SYK: variants seen among roughly 807,000 people sequenced by gnomAD.
SYK encodes spleen associated tyrosine kinase.
Under a neutral mutation model 77.8 loss-of-function variants are expected in SYK, and 16 were observed. The ratio of observed to expected loss-of-function variants is 0.21; its 90% CI spans 0.14 to 0.31. The LOEUF (loss-of-function observed/expected upper bound fraction) is 0.31. Among genes scored for constraint, SYK ranks in the 10% least tolerant of loss-of-function variants. The probability of loss-of-function intolerance (pLI) is 1.00; values close to 1 mark genes in which losing one functional copy is unlikely to be tolerated. For missense variants in SYK, 529 were observed against 814.4 expected (o/e 0.65, Z 4.26); for synonymous variants, 312 against 308.7 (o/e 1.01, Z -0.11).
intron 3 of SYK, among the ~76,000 whole-genome samples, chr9:90,849,442 C>G (rs1010384497): frequency 6.6e-6 from 1 of 152,118 alleles, no homozygotes; most frequent in Admixed American, 6.5e-5. Context: ...GATCCATTCT[C>G]CATCTCCCAG....
chr9:90,853,380 C>T (rs1826894076), intron 3 of SYK, among the ~76,000 whole-genome samples: 1 of 151,386 alleles, frequency 6.6e-6, no homozygotes, highest in African/African-American at 2.4e-5. Flanking sequence ...GGTATATACC[C>T]AAAGGACTAT....
At chr9:90,875,216 T>C (rs1268831306) in intron 9 of SYK, among the ~76,000 whole-genome samples, 1 of 150,900 alleles carries the variant, frequency 6.6e-6, no homozygotes, top group Non-Finnish European at 1.5e-5. Context: ...CTGGGCAACA[T>C]AGCAAGACCC....
At chr9:90,804,492 A>AT (rs1398054413) in intron 1 of SYK, among the ~76,000 whole-genome samples, 2 of 152,052 alleles carry the variant, frequency 1.3e-5, no homozygotes, top group Admixed American at 6.5e-5. Context: ...CCCTGTATAG[A>AT]TTTTTTTCCA....
At chr9:90,816,904 T>C (rs1224458045) in intron 1 of SYK, among the ~76,000 whole-genome samples, 1 of 152,262 alleles carries the variant, frequency 6.6e-6, no homozygotes, top group Non-Finnish European at 1.5e-5. Context: ...AGTATTCCAT[T>C]GTGTGTGTGC....
At chr9:90,875,605 A>G (rs1001466591) in intron 9 of SYK, among the ~76,000 whole-genome samples, 1 of 152,150 alleles carries the variant, frequency 6.6e-6, no homozygotes, top group African/African-American at 2.4e-5. Context: ...ATTTTCTTTA[A>G]TTTTATAGTT....
intron 7 of SYK, among the ~76,000 whole-genome samples, chr9:90,872,343 C>T (rs56261897): frequency 0.015 from 2,350 of 152,344 alleles, 33 homozygotes; most frequent in Non-Finnish European, 0.026. Context: ...TTTAATTCCA[C>T]ATCTGTTCAA....
Position 90,862,237 on chromosome 9 carries a change from G to A in SYK, c.610G>A (p.Ala204Thr). The A allele has an allele frequency of 1.2e-6, 2 of 1,613,840 alleles. No individual in the cohort carries two copies. The highest frequency in any genetic ancestry group is 8.5e-7 in the Non-Finnish European group (1 of 1,179,834). Residue 204 changes from alanine to threonine, a missense_variant, in exon 4 of 14, where the codon GCC (alanine) becomes ACC (threonine). Physicochemically the swap from Ala to Thr is moderately conservative, Grantham distance 58 (BLOSUM62 0). Around this residue, in one of 2 missense-constraint regions of SYK, gnomAD observed 321 missense variants for 433.1 expected, o/e 0.74. Coordinates refer to ENST00000375754, the MANE Select transcript of SYK (RefSeq NM_003177.7). ...AGCCAGAGACAACAACGGCTCCTAC[G>A]CCCTGTGCCTGCTGCACGAAGGGAA... ...IRARDNNGSY[A>T]LCLLHEGKVL...
At chr9:90,815,376 C>G (rs964438300) in intron 1 of SYK, among the ~76,000 whole-genome samples, 1 of 152,226 alleles carries the variant, frequency 6.6e-6, no homozygotes, top group African/African-American at 2.4e-5. Context: ...ACTGGCCCCT[C>G]GGCTCCAACC....
intron 9 of SYK, among the ~76,000 whole-genome samples, chr9:90,875,402 C>CA (rs1827888180): frequency 6.8e-6 from 1 of 147,038 alleles, no homozygotes; most frequent in Admixed American, 7.1e-5. Context: ...GGCCCTGTTT[C>CA]AAAAAACAAA....
chr9:90,878,714 T>C, intron 10 of SYK, 50 bp from the exon 11 acceptor site: 2 of 1,514,174 alleles, frequency 1.3e-6, no homozygotes, highest in African/African-American at 1.4e-5. Flanking sequence ...TTGTTTGTTG[T>C]GAAATGGGTC....
chr9:90,834,156 G>T (rs956756988), intron 1 of SYK, among the ~76,000 whole-genome samples: 1 of 149,124 alleles, frequency 6.7e-6, no homozygotes, highest in Admixed American at 6.6e-5. Context: ...TTCAGGTGGG[G>T]GTGGGCATGT....
rs915340273 is a variant in SYK at position 90,818,838 on chromosome 9, A to T, written c.-42+16945A>T. ...GGCTCAGGCCCCTCTGGTGCCCCTG[A>T]TTTAGGCTTCATGGCCTTCTCTACC... On this transcript the variant is annotated intron_variant, in intron 1 of 13. Transcript: ENST00000375754. Among the ~76,000 whole-genome samples, 3 of 152,182 alleles carry T rather than the reference A, an allele frequency of 2.0e-5. No individual in the cohort carries two copies. In the East Asian group the frequency reaches 5.8e-4, roughly 29 times the overall value.
intron 1 of SYK, 65 bp from the exon 2 acceptor site, chr9:90,843,793 G>T: frequency 7.6e-7 from 1 of 1,312,238 alleles, no homozygotes; most frequent in South Asian, 1.7e-5. Context: ...GGTTTGAGTG[G>T]TTTTAGCAAA....
chr9:90,870,714 G>A (rs1361498863), intron 7 of SYK, among the ~76,000 whole-genome samples: 1 of 152,108 alleles, frequency 6.6e-6, no homozygotes, highest in Non-Finnish European at 1.5e-5. Flanking sequence ...TCGCCTGTGG[G>A]GGTCTACTGA....
At chr9:90,860,357 A>T (rs1344605102) in intron 3 of SYK, among the ~76,000 whole-genome samples, 1 of 152,222 alleles carries the variant, frequency 6.6e-6, no homozygotes, top group Non-Finnish European at 1.5e-5. Flanking sequence ...AATAAACATA[A>T]ATAGTCTCAC....
chr9:90,867,431 A>G (rs1827548946), intron 7 of SYK, among the ~76,000 whole-genome samples: 1 of 152,148 alleles, frequency 6.6e-6, no homozygotes, highest in Admixed American at 6.5e-5. Context: ...CAACAGTGTG[A>G]GCATGCTTTC....
chr9:90,827,162 G>C (rs1039809077), intron 1 of SYK, among the ~76,000 whole-genome samples: 2 of 151,878 alleles, frequency 1.3e-5, no homozygotes, highest in African/African-American at 4.8e-5. Flanking sequence ...GTTCATTTTT[G>C]GTAAAAACAC....
intron 1 of SYK, among the ~76,000 whole-genome samples, chr9:90,841,227 G>A (rs949593143): frequency 1.3e-5 from 2 of 151,722 alleles, no homozygotes; most frequent in South Asian, 2.1e-4. Flanking sequence ...TGTGTGTCGT[G>A]TGTATGTAGT....
In SYK at chr9:90,897,718, G is replaced by A. The variant is rs941280108; in HGVS notation, c.*2118G>A. The A allele has an allele frequency of 1.8e-5, 4 of 224,722 alleles. No homozygotes were observed. The highest frequency in any genetic ancestry group is 5.7e-5 in the Admixed American group (1 of 17,512). 13.9% of individuals were successfully genotyped at this position (224,722 alleles called of 1,614,324 possible). A position where few individuals can be genotyped will look rare whatever the true frequency, so the allele number is the denominator to read the frequency against. ...CAGAATGTGATGGGACAAGATGGGGGCAGGGGCCTCACCTCCCTGCAGAGG... is the reference window on the plus strand; with the variant it reads ...CAGAATGTGATGGGACAAGATGGGGACAGGGGCCTCACCTCCCTGCAGAGG... On this transcript the variant is annotated 3_prime_UTR_variant, in exon 14 of 14. Transcript: ENST00000375754.
Sources: gnomAD v4.1 joint callset for allele counts (sites outside exome capture counted in the v4.1 genomes callset) on GRCh38, gnomAD v4.1.1 for gene constraint, gnomAD v4.1.1 regional missense constraint, MANE v1.5 for transcripts, NCBI Gene and HGNC (gene_info 2026-07-23, HGNC 2026-07-21) for gene names.